Variants in AP4B1 observed in about 807,000 individuals in gnomAD.
The protein encoded by AP4B1 is adaptor related protein complex 4 subunit beta 1.
Under a neutral mutation model 76.5 loss-of-function variants are expected in AP4B1, and 49 were observed. The ratio of observed to expected loss-of-function variants is 0.64; its 90% CI spans 0.51 to 0.81. The LOEUF is 0.81. AP4B1 is among the 40% of genes least tolerant of loss of function. The pLI, the probability that AP4B1 is intolerant of heterozygous loss-of-function variation, is 0.00. For synonymous variants in AP4B1, 330 were observed against 333.3 expected, an observed-to-expected ratio of 0.99 and a Z score of 0.11; for missense variants, 911 against 904.9, an observed-to-expected ratio of 1.01 and a Z score of -0.09.
Position 113,900,403 on chromosome 1 carries a change from A to T in AP4B1, c.618-3T>A, listed in dbSNP as rs755780191. ...CCCATTGGTCCAGTTTTGACATTCT[A>T]TCCAAAAAACAAAACAAAAGAGCTA... On this transcript the variant is annotated splice_polypyrimidine_tract_variant and splice_region_variant and intron_variant, in intron 4 of 9. Transcript: ENST00000369569. 1.9e-6 allele frequency: 3 copies of T among 1,613,602 alleles called. No individual in the cohort carries two copies. The East Asian group carries it at 6.7e-5, about 36-fold the overall frequency.
Position 113,895,428 on chromosome 1 carries a change from C to G in AP4B1, c.1857G>C (p.Met619Ile). Residue 619 changes from methionine to isoleucine, a missense_variant, in exon 10 of 10, where the codon ATG becomes ATC. By Grantham distance (10) the Met-to-Ile change is conservative. Transcript: ENST00000369569. ...CAGTAAGCTGGCGATTGGGGACTAGCATGAGGGCTCCAGAATCAGGGAGTT... is the reference window on the plus strand; with the variant it reads ...CAGTAAGCTGGCGATTGGGGACTAGGATGAGGGCTCCAGAATCAGGGAGTT... ...VQELPDSGAL[M>I]LVPNRQLTAD... 1 of 1,614,218 alleles carries G rather than the reference C, an allele frequency of 6.2e-7. No homozygotes were observed. Among genetic ancestry groups the G allele is most frequent in the Non-Finnish European group, 8.5e-7 (1 of 1,180,038 alleles).
chr1:113,904,591 G>C lies in AP4B1; in HGVS notation c.113+14C>G. On this transcript the variant is annotated intron_variant, in intron 1 of 9. Coordinates refer to ENST00000369569, the MANE Select transcript of AP4B1 (RefSeq NM_001253852.3). ...AAAGGGAGCAGTTAGCACGCGAAGG[G>C]AGGTAGGTGATACCTAATCACTCGC... 5.0e-6 allele frequency: 8 copies of C among 1,612,314 alleles called. No individual in the cohort carries two copies. The highest frequency in any genetic ancestry group is 6.8e-6 in the Non-Finnish European group (8 of 1,178,432).
intron 1 of AP4B1, among the ~76,000 whole-genome samples, chr1:113,904,367 T>C (rs1026638367): frequency 1.3e-5 from 2 of 152,204 alleles, no homozygotes; most frequent in Non-Finnish European, 2.9e-5. Flanking sequence ...AGCTATATTA[T>C]AGATCCAAGA....
intron 2 of AP4B1, 109 bp from the exon 3 acceptor site, chr1:113,901,994 A>G (rs1558094170): frequency 2.2e-6 from 3 of 1,360,212 alleles, no homozygotes; most frequent in Non-Finnish European, 3.1e-6. Context: ...CCATCAGATC[A>G]TGAAGAATTG....
intron 2 of AP4B1, 104 bp from the exon 3 acceptor site, chr1:113,901,989 A>G: frequency 7.3e-7 from 1 of 1,371,796 alleles, no homozygotes; most frequent in Non-Finnish European, 1.0e-6. Context: ...TGCACCCATC[A>G]GATCATGAAG....
upstream of AP4B1, chr1:113,904,911 C>A: frequency 1.7e-6 from 1 of 596,424 alleles, no homozygotes; most frequent in Non-Finnish European, 3.1e-6. Context: ...CGCGACACCG[C>A]GAGCCCCACC....
chr1:113,900,046 C>A lies in AP4B1; in HGVS notation c.972G>T (p.Glu324Asp), dbSNP rs1668029174. ...HYKKFFCSYS[E>D]PHYIKLQKVE... The stretch of plus-strand genomic sequence containing the variant: ...CTTTCTGTAGTTTGATGTAGTGGGG[C>A]TCCGAGTAGGAGCAAAAAAACTTTT... The change falls in exon 5 of 10, where the codon GAG becomes GAT. Residue 324 changes from glutamate (E) to aspartate (D), a missense_variant. By Grantham distance (45) the Glu-to-Asp change is conservative. Transcript: ENST00000369569. The A allele has an allele frequency of 1.9e-6, 3 of 1,614,190 alleles. No homozygotes were observed. The highest frequency in any genetic ancestry group is 2.5e-6 in the Non-Finnish European group (3 of 1,180,042).
In AP4B1 at chr1:113,904,585, C is replaced by A. The variant is rs769045812; in HGVS notation, c.113+20G>T. On this transcript the variant is annotated intron_variant, in intron 1 of 9. Transcript: ENST00000369569. Reference sequence around the variant, plus strand: ...GATTGCAAAGGGAGCAGTTAGCACGCGAAGGGAGGTAGGTGATACCTAATC... The same window carrying A: ...GATTGCAAAGGGAGCAGTTAGCACGAGAAGGGAGGTAGGTGATACCTAATC... 3 of 1,611,316 alleles carry A rather than the reference C, an allele frequency of 1.9e-6. No homozygotes were observed. Among genetic ancestry groups the A allele is most frequent in the South Asian group, 2.2e-5 (2 of 91,000 alleles).
rs750854450 is a variant in AP4B1 at position 113,896,394 on chromosome 1, C to T, written c.1374G>A (p.Glu458=). 5.0e-6 allele frequency: 8 copies of T among 1,614,080 alleles called. No homozygotes were observed. Residue 458 remains glutamate (E), a synonymous_variant, in exon 8 of 10, where the codon GAG becomes GAA. Coordinates refer to ENST00000369569, the MANE Select transcript of AP4B1 (RefSeq NM_001253852.3). ...CCGACTTCACATTCTCAACAAAGTC[C>T]TCTAACACATAAGGAGCATTAGGAA... ...ERIPNAPYVL[E]DFVENVKSET... is the part of the protein sequence containing the mutation.
chr1:113,901,584 C>T (rs1252089214), intron 3 of AP4B1, among the ~76,000 whole-genome samples, 171 bp downstream of exon 3: 2 of 152,152 alleles, frequency 1.3e-5, no homozygotes, highest in Non-Finnish European at 2.9e-5. Context: ...CTCATTGGGG[C>T]CCCAGAGAAA....
rs1204107838 is a variant in AP4B1 at position 113,901,795 on chromosome 1, T to C, written c.429A>G (p.Gly143=). ...ASYVRRVAVL[G]CAKMHNLHGD... is the part of the protein sequence containing the mutation. Reference sequence around the variant, plus strand: ...CATGAAGATTATGCATCTTGGCACATCCAAGGACTGCCACTCTCCTGACAT... The same window carrying C: ...CATGAAGATTATGCATCTTGGCACACCCAAGGACTGCCACTCTCCTGACAT... The change falls in exon 3 of 10, where the codon GGA becomes GGG. Residue 143 remains glycine (G), a synonymous_variant. Transcript: ENST00000369569. The C allele has an allele frequency of 1.2e-6, 2 of 1,614,186 alleles. No individual in the cohort carries two copies. Among genetic ancestry groups the C allele is most frequent in the African/African-American group, 1.3e-5 (1 of 75,048 alleles).
chr1:113,898,976 T>C, intron 5 of AP4B1, 175 bp from the exon 6 acceptor site: 1 of 535,166 alleles, frequency 1.9e-6, no homozygotes, highest in Non-Finnish European at 2.4e-6. Flanking sequence ...TAAAGGGAAC[T>C]TTGGTAAAAA....
chr1:113,897,499 C>A, intron 7 of AP4B1: 1 of 361,446 alleles, frequency 2.8e-6, no homozygotes, highest in South Asian at 2.3e-5. Flanking sequence ...GAGGCTGAGG[C>A]AAGAGAATCA....
chr1:113,896,129 A>C, intron 8 of AP4B1, 91 bp from the exon 9 acceptor site: 1 of 1,600,680 alleles, frequency 6.2e-7, no homozygotes, highest in Non-Finnish European at 8.6e-7. Context: ...AAAATGAAGG[A>C]GAGAGGAAAA....
intron 1 of AP4B1, among the ~76,000 whole-genome samples, chr1:113,904,107 T>C (rs1377313357): frequency 1.3e-5 from 2 of 152,186 alleles, no homozygotes; most frequent in Non-Finnish European, 2.9e-5. Flanking sequence ...CAAGAGAGGA[T>C]GGATATTTAG....
Position 113,900,052 on chromosome 1 carries a change from GT to G in AP4B1, c.965del (p.Tyr322SerfsTer19), listed in dbSNP as rs771431406. On this transcript the variant is annotated frameshift_variant, in exon 5 of 10. Transcript: ENST00000369569. LOFTEE classifies it high-confidence loss of function. ...GTAGTTTGATGTAGTGGGGCTCCGA[GT>G]AGGAGCAAAAAAACTTTTTGTAGTG... ...SSHYKKFFCS[Y>X]SEPHYIKLQK... is the part of the protein sequence containing the mutation. 3.1e-6 allele frequency: 5 copies of G among 1,614,190 alleles called. No individual in the cohort carries two copies. The South Asian group carries it at 4.4e-5, about 14-fold the overall frequency.
At chr1:113,898,109 T>C (rs1205902496) in intron 6 of AP4B1, 166 bp from the exon 7 acceptor site, 2 of 1,320,456 alleles carry the variant, frequency 1.5e-6, no homozygotes, top group South Asian at 1.4e-5. Flanking sequence ...AAATAAGCAA[T>C]AATTTCTTGA....
chr1:113,901,452 A>C, intron 3 of AP4B1, 69 bp from the exon 4 acceptor site: 1 of 1,541,988 alleles, frequency 6.5e-7, no homozygotes, highest in Non-Finnish European at 8.9e-7. Flanking sequence ...TAGCCAGAGT[A>C]ATAGCTCCAG....
Position 113,901,745 on chromosome 1 carries a change from C to A in AP4B1, c.469+10G>T, listed in dbSNP as rs1341062891. 1 of 1,614,170 alleles carries A rather than the reference C, an allele frequency of 6.2e-7. No homozygotes were observed. The highest frequency in any genetic ancestry group is 2.2e-5 in the East Asian group (1 of 44,878). On this transcript the variant is annotated intron_variant, in intron 3 of 9. Coordinates refer to ENST00000369569, the MANE Select transcript of AP4B1 (RefSeq NM_001253852.3). Reference sequence around the variant, plus strand: ...GGCACATTGACCATGATGGATTACACTGAACTTACCTACTTCAGAGTCTCC... The same window carrying A: ...GGCACATTGACCATGATGGATTACAATGAACTTACCTACTTCAGAGTCTCC...
Sources: gnomAD v4.1 joint callset for allele counts (sites outside exome capture counted in the v4.1 genomes callset) on GRCh38, gnomAD v4.1.1 for gene constraint, MANE v1.5 for transcripts, NCBI Gene and HGNC (gene_info 2026-07-23, HGNC 2026-07-21) for gene names.